The following RALYL variants were observed in gnomAD, a reference collection of about 807,000 sequenced individuals.
RALYL encodes the protein RALY RNA binding protein like.
Under a neutral mutation model 35.1 loss-of-function variants are expected in RALYL, and 29 were observed. That is an observed-to-expected ratio of 0.83 (90% CI 0.61 to 1.13). The LOEUF (loss-of-function observed/expected upper bound fraction) is 1.13, where lower values mean the gene tolerates loss of function less well. RALYL is among the 50% of genes most tolerant of loss of function. The pLI is 0.00. For synonymous variants in RALYL, 120 were observed against 127.6 expected (o/e 0.94, Z 0.40); for missense variants, 359 against 360.4 (o/e 1.00, Z 0.03).
chr8:84,345,436 G>T lies in RALYL; in HGVS notation c.-24+161012G>T, dbSNP rs540569473. 1.1e-3 allele frequency among the ~76,000 whole-genome samples: 163 copies of T among 152,112 alleles called. 5 individuals carry two copies. In the South Asian group the frequency reaches 0.032, roughly 30 times the overall value. ...AATGCTGTCATAATTTCTCTACTAT[G>T]ACATATCTACCTCAGTCTCTTCCTG... On this transcript the variant is annotated intron_variant, in intron 1 of 8. Coordinates refer to ENST00000521268, the MANE Select transcript of RALYL (RefSeq NM_173848.7).
intron 1 of RALYL, among the ~76,000 whole-genome samples, chr8:84,193,856 G>C (rs930673507): frequency 6.6e-6 from 1 of 152,178 alleles, no homozygotes; most frequent in African/African-American, 2.4e-5. Flanking sequence ...TCCACTTTGT[G>C]TAAAACAAAG....
intron 1 of RALYL, among the ~76,000 whole-genome samples, chr8:84,433,272 G>A (rs1005315795): frequency 1.3e-5 from 2 of 152,018 alleles, no homozygotes; most frequent in Non-Finnish European, 2.9e-5. Context: ...TCCAAACTTA[G>A]CATTCATCAT....
chr8:84,493,787 T>C (rs988345161), intron 1 of RALYL, among the ~76,000 whole-genome samples: 3 of 152,190 alleles, frequency 2.0e-5, no homozygotes, highest in Non-Finnish European at 4.4e-5. Context: ...AAGTTCCTTG[T>C]AAATTCTGTA....
intron 1 of RALYL, among the ~76,000 whole-genome samples, chr8:84,485,978 G>T (rs1193951799): frequency 6.7e-6 from 1 of 148,678 alleles, no homozygotes; most frequent in African/African-American, 2.5e-5. Flanking sequence ...GTTATATCAG[G>T]ATGTGACTCC....
chr8:84,364,265 G>A (rs2131311095), intron 1 of RALYL, among the ~76,000 whole-genome samples: 1 of 152,220 alleles, frequency 6.6e-6, no homozygotes, highest in East Asian at 1.9e-4. Flanking sequence ...TTTCTTACTA[G>A]TAATATAAGA....
intron 2 of RALYL, among the ~76,000 whole-genome samples, chr8:84,580,967 A>C (rs561408514): frequency 1.3e-5 from 2 of 152,192 alleles, no homozygotes; most frequent in Admixed American, 1.3e-4. Context: ...TTGTTCACTC[A>C]CATATCTGTT....
chr8:84,317,405 T>G (rs1056736355), intron 1 of RALYL, among the ~76,000 whole-genome samples: 4 of 152,192 alleles, frequency 2.6e-5, no homozygotes, highest in Non-Finnish European at 4.4e-5. Context: ...TGAGCTTGTT[T>G]CCTTCTGCAT....
intron 8 of RALYL, among the ~76,000 whole-genome samples, chr8:84,897,533 T>G (rs1288385407): frequency 1.3e-5 from 2 of 152,200 alleles, no homozygotes; most frequent in Non-Finnish European, 2.9e-5. Flanking sequence ...TTCTTTTTTT[T>G]AATAAAGATA....
intron 2 of RALYL, among the ~76,000 whole-genome samples, chr8:84,768,973 A>AT (rs1391088441): frequency 1.3e-5 from 2 of 152,194 alleles, no homozygotes; most frequent in Non-Finnish European, 2.9e-5. Flanking sequence ...ACAGTATATT[A>AT]TTTTTAAGAA....
chr8:84,258,271 TA>T (rs1428627993), intron 1 of RALYL, among the ~76,000 whole-genome samples: 1 of 152,144 alleles, frequency 6.6e-6, no homozygotes, highest in Non-Finnish European at 1.5e-5. Context: ...TCAAATATCA[TA>T]AAAATGCGTG....
chr8:84,449,078 G>GTT (rs1554671924), intron 1 of RALYL, among the ~76,000 whole-genome samples: 5,676 of 124,188 alleles, frequency 0.046, 146 homozygotes, highest in Middle Eastern at 0.081. Context: ...TAGTTTTTTT[G>GTT]TTTTTTTTTT....
intron 1 of RALYL, among the ~76,000 whole-genome samples, chr8:84,356,272 G>A (rs1376179515): frequency 1.3e-5 from 2 of 150,302 alleles, no homozygotes; most frequent in Non-Finnish European, 3.0e-5. Context: ...TTTGAAGGTA[G>A]GATATTAAAT....
intron 2 of RALYL, among the ~76,000 whole-genome samples, chr8:84,592,024 C>A (rs1443036014): frequency 1.3e-5 from 2 of 151,994 alleles, no homozygotes; most frequent in Non-Finnish European, 2.9e-5. Context: ...TTTATTGTTT[C>A]TATGTGCCCC....
chr8:84,351,443 T>C (rs1850863000), intron 1 of RALYL, among the ~76,000 whole-genome samples: 1 of 149,992 alleles, frequency 6.7e-6, no homozygotes, highest in South Asian at 2.1e-4. Context: ...ATTTACAGAA[T>C]CCTGTGGTAC....
At chr8:84,590,393 G>A (rs1034479180) in intron 2 of RALYL, among the ~76,000 whole-genome samples, 1 of 152,176 alleles carries the variant, frequency 6.6e-6, no homozygotes, top group Non-Finnish European at 1.5e-5. Context: ...TATCTCAACA[G>A]TGTGTCACTC....
rs565172974 is a variant in RALYL, at chr8:84,202,900, G to A, written c.-24+18476G>A. Among the ~76,000 whole-genome samples the A allele has an allele frequency of 2.6e-5, 4 of 152,122 alleles. No homozygotes were observed. The South Asian group carries it at 8.3e-4, about 32-fold the overall frequency. ...TACGTACATGTATATTAGCTTTTGA[G>A]TACAAATAGTAACACATTTTTAGTA... On this transcript the variant is annotated intron_variant, in intron 1 of 8. Transcript: ENST00000521268.
Position 84,732,697 on chromosome 8 carries a change from CAT to C in RALYL, c.257-41874_257-41873del, listed in dbSNP as rs1264087748. On this transcript the variant is annotated intron_variant, in intron 2 of 8. Transcript: ENST00000521268. ...ATATATATATATACACACACACACA[CAT>C]ATATATAATTTTTTTTAGATGGAGT... 4.6e-3 allele frequency among the ~76,000 whole-genome samples: 429 copies of C among 93,418 alleles called. 3 individuals are homozygous for C. Among genetic ancestry groups the C allele is most frequent in the African/African-American group, 0.022 (393 of 18,274 alleles). 61.3% of individuals were successfully genotyped at this position (93,418 alleles called of 152,430 possible).
intron 2 of RALYL, among the ~76,000 whole-genome samples, chr8:84,702,112 A>G (rs1285356507): frequency 6.6e-6 from 1 of 152,198 alleles, no homozygotes; most frequent in African/African-American, 2.4e-5. Flanking sequence ...TCAGTGTTCA[A>G]TGAAATAATG....
chr8:84,811,198 G>A (rs1347354330), intron 4 of RALYL, among the ~76,000 whole-genome samples: 1 of 152,072 alleles, frequency 6.6e-6, no homozygotes, highest in Non-Finnish European at 1.5e-5. Flanking sequence ...AATTCTTATA[G>A]TGGTGGTTTG....
Sources: allele counts gnomAD v4.1 joint callset (sites outside exome capture counted in the v4.1 genomes callset), GRCh38; gene constraint gnomAD v4.1.1; transcripts MANE v1.5; gene names NCBI Gene and HGNC (gene_info 2026-07-23, HGNC 2026-07-21).